The following ANO2 variants were observed in gnomAD, a reference collection of about 807,000 sequenced individuals.
ANO2 encodes the protein anoctamin-2.
A neutral mutation model predicts 124.2 loss-of-function variants in ANO2; 101 were observed. The ratio of observed to expected loss-of-function variants is 0.81; its 90% CI spans 0.69 to 0.96. The LOEUF (loss-of-function observed/expected upper bound fraction) is 0.96, where lower values mean the gene tolerates loss of function less well. Ranked by LOEUF, ANO2 falls within the 40% of genes least tolerant of loss-of-function variation. The probability of loss-of-function intolerance (pLI) is 0.00; values close to 1 mark genes in which losing one functional copy is unlikely to be tolerated. For missense variants in ANO2, 1,293 were observed against 1,274.5 expected, an observed-to-expected ratio of 1.01 and a Z score of -0.22; for synonymous variants, 486 against 482.5, an observed-to-expected ratio of 1.01 and a Z score of -0.09.
intron 23 of ANO2, among the ~76,000 whole-genome samples, chr12:5,569,374 C>CA (rs1173131403): frequency 6.6e-6 from 1 of 152,174 alleles, no homozygotes; most frequent in Non-Finnish European, 1.5e-5. Context: ...CAAAGAGAAG[C>CA]AGAGTTTTAT....
intron 10 of ANO2, among the ~76,000 whole-genome samples, chr12:5,760,284 T>C (rs1421419789): frequency 6.6e-6 from 1 of 152,152 alleles, no homozygotes; most frequent in African/African-American, 2.4e-5. Flanking sequence ...TTAGATAATA[T>C]TAATTATGGA....
chr12:5,591,135 G>A (rs1943376253), intron 20 of ANO2, among the ~76,000 whole-genome samples: 1 of 152,186 alleles, frequency 6.6e-6, no homozygotes, highest in South Asian at 2.1e-4. Flanking sequence ...AGCCAAGATT[G>A]CGCCACTGCA....
chr12:5,807,177 C>T (rs549844110), intron 8 of ANO2, 136 bp downstream of exon 8: 5 of 674,622 alleles, frequency 7.4e-6, no homozygotes, highest in Non-Finnish European at 1.2e-5. Context: ...GGTCCAGGGT[C>T]AGTCAAGGTA....
Position 5,563,265 on chromosome 12 carries a change from C to A in ANO2, c.*34G>T. ...GCTTACGTGCATGTGCGTGTCTCTG[C>A]TGCCGTGCCCTCCTCTGCTGCAGGC... is the stretch of plus-strand genomic sequence containing the variant. On this transcript the variant is annotated 3_prime_UTR_variant, in exon 25 of 25. Coordinates refer to ENST00000682330, the MANE Select transcript of ANO2 (RefSeq NM_001364791.2). 6.4e-7 allele frequency: 1 copy of A among 1,574,330 alleles called. No homozygotes were observed. Among genetic ancestry groups the A allele is most frequent in the Admixed American group, 1.7e-5 (1 of 57,510 alleles).
chr12:5,805,920 G>A (rs1038147824), intron 9 of ANO2, 132 bp downstream of exon 9: 6 of 840,036 alleles, frequency 7.1e-6, no homozygotes, highest in African/African-American at 3.5e-5. Context: ...TGGGGGAAAG[G>A]GGGGAGCTGG....
intron 10 of ANO2, among the ~76,000 whole-genome samples, chr12:5,798,071 A>G (rs1301839255): frequency 2.0e-5 from 3 of 152,176 alleles, no homozygotes; most frequent in African/African-American, 7.2e-5. Flanking sequence ...GTACTTAAAA[A>G]AAACAAAAAC....
intron 3 of ANO2, among the ~76,000 whole-genome samples, chr12:5,883,338 T>C (rs1162611843): frequency 6.6e-6 from 1 of 152,180 alleles, no homozygotes; most frequent in Non-Finnish European, 1.5e-5. Context: ...AGATGCCTTC[T>C]CATAAATACA....
chr12:5,741,003 C>T (rs1951076290), intron 12 of ANO2: 1 of 152,622 alleles, frequency 6.6e-6, no homozygotes, highest in Admixed American at 6.5e-5. Flanking sequence ...TAACATCAGT[C>T]CCCATGGCAC....
intron 4 of ANO2, among the ~76,000 whole-genome samples, chr12:5,846,514 G>C (rs1450188499): frequency 1.3e-5 from 2 of 152,202 alleles, no homozygotes; most frequent in Non-Finnish European, 2.9e-5. Context: ...CAGAAGAAGA[G>C]TGTATTAGTT....
chr12:5,600,456 G>A (rs1371940815), intron 19 of ANO2, among the ~76,000 whole-genome samples: 3 of 152,116 alleles, frequency 2.0e-5, no homozygotes, highest in East Asian at 1.9e-4. Context: ...ACTACATTCA[G>A]GACTTTTTTG....
At chr12:5,860,875 T>C (rs930964617) in intron 3 of ANO2, among the ~76,000 whole-genome samples, 3 of 152,172 alleles carry the variant, frequency 2.0e-5, no homozygotes, top group East Asian at 1.9e-4. Context: ...TTCTGCCTCA[T>C]AGGCTTCTGG....
At chr12:5,662,299 CTTTAACAAGTACCTT>C (rs1362900853) in intron 14 of ANO2, among the ~76,000 whole-genome samples, 2 of 152,188 alleles carry the variant, frequency 1.3e-5, no homozygotes, top group Non-Finnish European at 2.9e-5. Context: ...ACACAAAGCA[CTTTAACAAGTACCTT>C]AGATCCTACA....
Position 5,857,817 on chromosome 12 carries a change from G to C in ANO2, c.535-3676C>G, listed in dbSNP as rs1480812722. On this transcript the variant is annotated intron_variant, in intron 3 of 24. Coordinates refer to ENST00000682330, the MANE Select transcript of ANO2 (RefSeq NM_001364791.2). ...AGATAGATAGATAGATAGATAGATA[G>C]ATGCCCACTGGAATAGTACTCAGCC... 2.0e-5 allele frequency among the ~76,000 whole-genome samples: 3 copies of C among 148,088 alleles called. No individual in the cohort carries two copies. In the South Asian group the frequency reaches 6.5e-4, roughly 32 times the overall value.
At position 5,744,157 on chromosome 12, in the gene ANO2, C is replaced by T. The variant is rs755464391; in HGVS notation, c.1351G>A (p.Ala451Thr). ...VFFSIFMALWATMFLENWKRL... is the reference protein window; with the variant it reads ...VFFSIFMALWTTMFLENWKRL... Reference sequence around the variant, plus strand: ...AGCAAGCCTGGTGATGGCCACATACCCCACAGAGCCATGAAGATAGAGAAG... The same window carrying T: ...AGCAAGCCTGGTGATGGCCACATACTCCACAGAGCCATGAAGATAGAGAAG... The change falls in exon 12 of 25, where the codon GCT becomes ACT. Residue 451 changes from alanine to threonine, a missense_variant and splice_region_variant. By Grantham distance (58) the Ala-to-Thr change is moderately conservative. Transcript: ENST00000682330. 186 of 1,613,008 alleles carry T rather than the reference C, an allele frequency of 1.2e-4. No homozygotes were observed. Among genetic ancestry groups the T allele is most frequent in the Non-Finnish European group, 1.5e-4 (177 of 1,179,826 alleles).
At chr12:5,873,631 C>G (rs1296985375) in intron 3 of ANO2, among the ~76,000 whole-genome samples, 1 of 152,240 alleles carries the variant, frequency 6.6e-6, no homozygotes. Flanking sequence ...TCTCTGGCTG[C>G]TCTTGCAGTC....
chr12:5,568,075 A>T (rs1941879199), intron 23 of ANO2, among the ~76,000 whole-genome samples: 1 of 152,154 alleles, frequency 6.6e-6, no homozygotes, highest in African/African-American at 2.4e-5. Context: ...GTTGTGTGCA[A>T]TGCACTAGAA....
intron 3 of ANO2, among the ~76,000 whole-genome samples, chr12:5,917,081 G>A (rs61908406): frequency 0.15 from 23,044 of 152,102 alleles, 1,981 homozygotes; most frequent in Middle Eastern, 0.2. Flanking sequence ...GGGGCTGAGA[G>A]GGAGGAGTCT....
intron 14 of ANO2, among the ~76,000 whole-genome samples, chr12:5,696,862 C>T (rs1949203613): frequency 6.6e-6 from 1 of 152,152 alleles, no homozygotes; most frequent in Non-Finnish European, 1.5e-5. Flanking sequence ...AGGAGAAAAG[C>T]TACATGATTA....
At chr12:5,851,030 T>C (rs1296063675) in intron 4 of ANO2, among the ~76,000 whole-genome samples, 1 of 133,150 alleles carries the variant, frequency 7.5e-6, no homozygotes. Context: ...ACACAACGAA[T>C]AACTGCAGAA....
Sources: allele counts gnomAD v4.1 joint callset (sites outside exome capture counted in the v4.1 genomes callset), GRCh38; gene constraint gnomAD v4.1.1; transcripts MANE v1.5; gene names NCBI Gene and HGNC (gene_info 2026-07-23, HGNC 2026-07-21).